CDK8: variants seen among roughly 807,000 people sequenced by gnomAD.
The protein encoded by CDK8 is cyclin-dependent kinase 8.
Under a neutral mutation model 71.5 loss-of-function variants are expected in CDK8, and 29 were observed. The ratio of observed to expected loss-of-function variants is 0.41; its 90% CI spans 0.30 to 0.55. The LOEUF (loss-of-function observed/expected upper bound fraction) is 0.55. CDK8 is among the 20% of genes least tolerant of loss of function. CDK8 has a pLI of 0.37. For missense variants in CDK8, 288 were observed against 572.6 expected, an observed-to-expected ratio of 0.50 and a Z score of 5.07; for synonymous variants, 161 against 192.1, an observed-to-expected ratio of 0.84 and a Z score of 1.34.
intron 1 of CDK8, among the ~76,000 whole-genome samples, chr13:26,278,557 C>G (rs1410910456): frequency 1.3e-5 from 2 of 152,160 alleles, no homozygotes; most frequent in South Asian, 2.1e-4. Context: ...ATAAAACTTG[C>G]AAGAACAGGA....
chr13:26,379,551 CT>C (rs1470329625), intron 4 of CDK8, among the ~76,000 whole-genome samples: 1 of 152,106 alleles, frequency 6.6e-6, no homozygotes, highest in Non-Finnish European at 1.5e-5. Context: ...CATCCCAGGG[CT>C]TTTCAGATCT....
At chr13:26,364,204 A>G (rs1358315094) in intron 4 of CDK8, among the ~76,000 whole-genome samples, 5 of 152,186 alleles carry the variant, frequency 3.3e-5, no homozygotes, top group Non-Finnish European at 2.9e-5. Context: ...ATAAGCCATA[A>G]ACGAATCAGG....
chr13:26,279,352 G>A (rs2137882896), intron 1 of CDK8, among the ~76,000 whole-genome samples: 1 of 152,096 alleles, frequency 6.6e-6, no homozygotes, highest in South Asian at 2.1e-4. Context: ...AAAAGAAAAT[G>A]TACCTTTGTA....
chr13:26,354,368 G>A (rs1167565902), intron 4 of CDK8, among the ~76,000 whole-genome samples: 1 of 152,154 alleles, frequency 6.6e-6, no homozygotes, highest in Non-Finnish European at 1.5e-5. Context: ...ATTATTAGAA[G>A]CCTTGCTGTG....
intron 4 of CDK8, among the ~76,000 whole-genome samples, chr13:26,361,832 G>T (rs1363979309): frequency 2.0e-5 from 2 of 98,374 alleles, no homozygotes; most frequent in African/African-American, 4.0e-5. Flanking sequence ...GTGTCACTGT[G>T]TTGCCCAGGC....
At chr13:26,402,225 T>A (rs1876296644) in intron 12 of CDK8, among the ~76,000 whole-genome samples, 2 of 152,206 alleles carry the variant, frequency 1.3e-5, no homozygotes, top group Admixed American at 1.3e-4. Context: ...GTTAAATAAC[T>A]TTCACATGGA....
chr13:26,333,712 T>G (rs1206941607), intron 1 of CDK8, among the ~76,000 whole-genome samples: 1 of 152,190 alleles, frequency 6.6e-6, no homozygotes, highest in East Asian at 1.9e-4. Flanking sequence ...TGTGTTTAAA[T>G]TGGATCTCAT....
At chr13:26,347,367 A>T (rs1207189736) in intron 2 of CDK8, among the ~76,000 whole-genome samples, 1 of 152,186 alleles carries the variant, frequency 6.6e-6, no homozygotes, top group Non-Finnish European at 1.5e-5. Flanking sequence ...CTTAATTTTC[A>T]TATGATAATT....
intron 1 of CDK8, among the ~76,000 whole-genome samples, chr13:26,326,781 CTAA>C (rs939668978): frequency 4.6e-5 from 7 of 152,164 alleles, no homozygotes; most frequent in Admixed American, 3.3e-4. Context: ...CAGTCTCTGT[CTAA>C]TGATGCTTCA....
At position 26,254,904 on chromosome 13, in the gene CDK8, C is replaced by G; in HGVS notation, c.128+135C>G. ...CGACGCCGGCCTCTGGCTCCGCCAGCCAGGTTTGGGGAGGAAGTGGTGTAC... is the reference window on the plus strand; with the variant it reads ...CGACGCCGGCCTCTGGCTCCGCCAGGCAGGTTTGGGGAGGAAGTGGTGTAC... On this transcript the variant is annotated intron_variant, in intron 1 of 12. Coordinates refer to ENST00000381527, the MANE Select transcript of CDK8 (RefSeq NM_001260.3). This position sits in a 1 kb window ranked among gnomAD's most constrained non-coding sequence, Gnocchi z 6.7. The G allele has an allele frequency of 7.7e-7, 1 of 1,305,092 alleles. No individual in the cohort carries two copies. Among genetic ancestry groups the G allele is most frequent in the Non-Finnish European group, 1.0e-6 (1 of 955,486 alleles). The allele number at this position is 1,305,092 out of a possible 1,614,324, so 80.8% of individuals were successfully genotyped here.
At chr13:26,275,335 A>G (rs1422176657) in intron 1 of CDK8, among the ~76,000 whole-genome samples, 2 of 152,246 alleles carry the variant, frequency 1.3e-5, no homozygotes, top group African/African-American at 2.4e-5. Flanking sequence ...GTTGAATTGT[A>G]TTAAATGTAT....
intron 1 of CDK8, among the ~76,000 whole-genome samples, chr13:26,306,641 T>C (rs1874056607): frequency 1.4e-5 from 2 of 141,372 alleles, no homozygotes; most frequent in Admixed American, 6.8e-5. Flanking sequence ...TTTTTTTTTT[T>C]TCCTTGAGAT....
chr13:26,382,911 T>C, intron 5 of CDK8, 40 bp downstream of exon 5: 2 of 1,393,748 alleles, frequency 1.4e-6, no homozygotes, highest in Non-Finnish European at 2.0e-6. Context: ...TAGCACTTTT[T>C]TAAAACTTTT....
intron 1 of CDK8, among the ~76,000 whole-genome samples, chr13:26,263,798 G>C (rs1871895020): frequency 1.4e-5 from 2 of 144,946 alleles, no homozygotes; most frequent in South Asian, 4.3e-4. Context: ...CCAGCCTGGA[G>C]TGCAGTGGCA....
intron 1 of CDK8, among the ~76,000 whole-genome samples, chr13:26,275,359 A>G (rs146882704): frequency 3.2e-4 from 49 of 152,282 alleles, no homozygotes; most frequent in African/African-American, 1.2e-3. Flanking sequence ...TAGATGAATT[A>G]CTCTCCATAC....
intron 4 of CDK8, among the ~76,000 whole-genome samples, 173 bp from the exon 5 acceptor site, chr13:26,382,641 A>T (rs898862554): frequency 3.3e-5 from 5 of 152,224 alleles, no homozygotes; most frequent in African/African-American, 1.2e-4. Flanking sequence ...TGAAATTTGC[A>T]TACCGCTTTG....
intron 1 of CDK8, among the ~76,000 whole-genome samples, chr13:26,325,161 A>G (rs908662106): frequency 3.3e-5 from 5 of 152,208 alleles, no homozygotes; most frequent in African/African-American, 1.2e-4. Context: ...TAACAGTGCC[A>G]AGCACAGGAA....
intron 6 of CDK8, among the ~76,000 whole-genome samples, chr13:26,389,092 G>C (rs1275142226): frequency 2.6e-5 from 4 of 152,156 alleles, no homozygotes; most frequent in Non-Finnish European, 5.9e-5. Context: ...TAGTGCTTTA[G>C]CCTCAGTTTC....
At chr13:26,329,483 G>GTTTTTTTTTTTTTTTTTTTTTTTT (rs543441898) in intron 1 of CDK8, among the ~76,000 whole-genome samples, 6 of 128,490 alleles carry the variant, frequency 4.7e-5, no homozygotes, top group Non-Finnish European at 7.9e-5. Context: ...TTTTTTTTTT[G>GTTTTTTTTTTTTTTTTTTTTTTTT]TTTTTTTTTT....
Sources: allele counts gnomAD v4.1 joint callset (sites outside exome capture counted in the v4.1 genomes callset), GRCh38; gene constraint gnomAD v4.1.1; non-coding constraint Gnocchi (gnomAD v3.1); transcripts MANE v1.5; gene names NCBI Gene and HGNC (gene_info 2026-07-23, HGNC 2026-07-21).